Variants in MACROD2 observed in about 807,000 individuals in gnomAD.
The protein encoded by MACROD2 is mono-ADP ribosylhydrolase 2.
In MACROD2, 36 loss-of-function variants were observed where a neutral mutation model predicts 70.4. The ratio of observed to expected loss-of-function variants is 0.51; its 90% CI spans 0.39 to 0.68. The LOEUF is 0.68. Ranked by LOEUF, MACROD2 falls within the 30% of genes least tolerant of loss-of-function variation. The probability of loss-of-function intolerance (pLI) is 0.00; values close to 1 mark genes in which losing one functional copy is unlikely to be tolerated. For synonymous variants in MACROD2, 172 were observed against 178.8 expected, an observed-to-expected ratio of 0.96 and a Z score of 0.30; for missense variants, 496 against 538.4, an observed-to-expected ratio of 0.92 and a Z score of 0.78.
chr20:14,485,518 G>C (rs943327215), intron 3 of MACROD2, among the ~76,000 whole-genome samples: 1 of 151,934 alleles, frequency 6.6e-6, no homozygotes, highest in Admixed American at 6.6e-5. Flanking sequence ...TGGCTAACAC[G>C]GTGAAACCCC....
At chr20:15,489,438 A>G (rs1035574290) in intron 7 of MACROD2, among the ~76,000 whole-genome samples, 3 of 152,212 alleles carry the variant, frequency 2.0e-5, no homozygotes, top group East Asian at 1.9e-4. Context: ...CGCTCCAGTC[A>G]TGTCCAGAGT....
intron 5 of MACROD2, among the ~76,000 whole-genome samples, chr20:14,740,956 C>T (rs1214472214): frequency 6.6e-6 from 1 of 152,106 alleles, no homozygotes; most frequent in Non-Finnish European, 1.5e-5. Flanking sequence ...ACAGAAGGCT[C>T]ACCTTGGTCT....
chr20:15,703,659 C>T (rs1349751199), intron 8 of MACROD2, among the ~76,000 whole-genome samples: 2 of 152,110 alleles, frequency 1.3e-5, no homozygotes. Flanking sequence ...TGGGGAGTGG[C>T]TTATTTTGGT....
chr20:14,797,621 C>A (rs1034472153), intron 5 of MACROD2, among the ~76,000 whole-genome samples: 2 of 152,054 alleles, frequency 1.3e-5, no homozygotes, highest in African/African-American at 4.8e-5. Context: ...ATGAAGTCTT[C>A]CCCAAGCCCC....
chr20:14,822,383 AAT>A (rs2122211873), intron 5 of MACROD2, among the ~76,000 whole-genome samples: 1 of 152,208 alleles, frequency 6.6e-6, no homozygotes, highest in South Asian at 2.1e-4. Context: ...TCATTTGTAT[AAT>A]ATTCTACTTA....
intron 3 of MACROD2, among the ~76,000 whole-genome samples, chr20:14,177,790 G>A (rs1032801790): frequency 6.6e-6 from 1 of 152,036 alleles, no homozygotes; most frequent in African/African-American, 2.4e-5. Context: ...AAATGGTTCT[G>A]GAAGAACTAG....
At chr20:14,811,478 T>C (rs2072710119) in intron 5 of MACROD2, among the ~76,000 whole-genome samples, 1 of 152,014 alleles carries the variant, frequency 6.6e-6, no homozygotes, top group Admixed American at 6.6e-5. Context: ...TAAAAAGCCC[T>C]AGAGGAAAAC....
chr20:15,594,912 A>C (rs2048726395), intron 8 of MACROD2, among the ~76,000 whole-genome samples: 1 of 152,168 alleles, frequency 6.6e-6, no homozygotes, highest in Admixed American at 6.5e-5. Flanking sequence ...TAATAATGTC[A>C]CTAAAAAGTC....
chr20:15,353,624 C>G (rs1463474920), intron 6 of MACROD2, among the ~76,000 whole-genome samples: 1 of 151,460 alleles, frequency 6.6e-6, no homozygotes, highest in East Asian at 1.9e-4. Context: ...GGCTAATATC[C>G]AGAATCTACA....
At chr20:14,390,761 TAAAC>T (rs1002463139) in intron 3 of MACROD2, among the ~76,000 whole-genome samples, 2 of 152,004 alleles carry the variant, frequency 1.3e-5, no homozygotes, top group African/African-American at 4.8e-5. Flanking sequence ...TTAAAGAACT[TAAAC>T]AAATGTACAA....
At chr20:15,715,202 G>A (rs983195070) in intron 8 of MACROD2, among the ~76,000 whole-genome samples, 2 of 151,568 alleles carry the variant, frequency 1.3e-5, no homozygotes. Flanking sequence ...GTTCACTTTG[G>A]ATTATCTTCA....
intron 15 of MACROD2, among the ~76,000 whole-genome samples, chr20:16,011,747 C>T (rs1330723017): frequency 6.6e-6 from 1 of 152,234 alleles, no homozygotes; most frequent in Non-Finnish European, 1.5e-5. Flanking sequence ...CTTAGTATCC[C>T]TGCTGTGATC....
chr20:15,616,075 T>C (rs1335447897), intron 8 of MACROD2, among the ~76,000 whole-genome samples: 7 of 150,680 alleles, frequency 4.6e-5, no homozygotes, highest in Non-Finnish European at 7.4e-5. Flanking sequence ...GGAGTTTGTC[T>C]CTCACTCCAT....
chr20:14,392,558 ATTAT>A (rs2083538425), intron 3 of MACROD2, among the ~76,000 whole-genome samples: 1 of 152,210 alleles, frequency 6.6e-6, no homozygotes, highest in African/African-American at 2.4e-5. Context: ...AAGATGGAAA[ATTAT>A]TTAAAGATTG....
At chr20:14,957,013 G>T (rs1353864751) in intron 5 of MACROD2, among the ~76,000 whole-genome samples, 1 of 151,970 alleles carries the variant, frequency 6.6e-6, no homozygotes, top group Non-Finnish European at 1.5e-5. Flanking sequence ...TACTTTATTT[G>T]TACTTATCTT....
chr20:14,213,311 T>G (rs2081585348), intron 3 of MACROD2, among the ~76,000 whole-genome samples: 1 of 117,604 alleles, frequency 8.5e-6, no homozygotes, highest in East Asian at 2.6e-4. Flanking sequence ...GCCATAATAC[T>G]ATAGAATTGC....
chr20:14,045,780 A>G (rs2053464436), intron 2 of MACROD2, among the ~76,000 whole-genome samples: 1 of 152,222 alleles, frequency 6.6e-6, no homozygotes, highest in African/African-American at 2.4e-5. Flanking sequence ...GGAGGGGGGA[A>G]TTAAAAACAT....
chr20:15,590,108 T>C (rs985442722), intron 8 of MACROD2, among the ~76,000 whole-genome samples: 1 of 152,208 alleles, frequency 6.6e-6, no homozygotes, highest in African/African-American at 2.4e-5. Flanking sequence ...AAAATTATCA[T>C]TTTAATTATT....
At chr20:15,250,755 A>G (rs2077148576) in intron 6 of MACROD2, among the ~76,000 whole-genome samples, 1 of 152,090 alleles carries the variant, frequency 6.6e-6, no homozygotes, top group Non-Finnish European at 1.5e-5. Flanking sequence ...CTTCCTTGGG[A>G]AAAAGTTTTA....
Sources: gnomAD v4.1 joint callset for allele counts (sites outside exome capture counted in the v4.1 genomes callset) on GRCh38, gnomAD v4.1.1 for gene constraint, MANE v1.5 for transcripts, NCBI Gene and HGNC (gene_info 2026-07-23, HGNC 2026-07-21) for gene names.